CIB1: variants seen among roughly 807,000 people sequenced by gnomAD.
The protein encoded by CIB1 is calcium and integrin-binding protein 1.
In CIB1, 19 loss-of-function variants were observed where a neutral mutation model predicts 25.0. The ratio of observed to expected loss-of-function variants is 0.76; its 90% confidence interval spans 0.53 to 1.12. The LOEUF is 1.12. Among genes scored for constraint, CIB1 ranks in the 50% most tolerant of loss-of-function variants. The probability of loss-of-function intolerance (pLI) is 0.00; values close to 1 mark genes in which losing one functional copy is unlikely to be tolerated. For synonymous variants in CIB1, 104 were observed against 98.5 expected (o/e 1.06, Z -0.33); for missense variants, 236 against 242.6 (o/e 0.97, Z 0.18).
the CIB1 span, among the ~76,000 whole-genome samples, chr15:90,249,233 AAAAAGG>A: frequency 6.6e-6 from 1 of 151,248 alleles, no homozygotes; most frequent in Admixed American, 6.6e-5. Flanking sequence ...AAAAAAAAAA[AAAAAGG>A]GAGAATTGAG....
At chr15:90,235,380 A>G (rs902323799), upstream of CIB1, among the ~76,000 whole-genome samples, 3 of 152,210 alleles carry the variant, frequency 2.0e-5, no homozygotes, top group African/African-American at 7.2e-5. Context: ...AGCATGGCCA[A>G]CATGGCAAAA....
chr15:90,253,428 C>T, the CIB1 span: 1 of 1,311,286 alleles, frequency 7.6e-7, no homozygotes, highest in Non-Finnish European at 1.1e-6. Flanking sequence ...CTATTCCCAC[C>T]TCCTTGCCCA....
chr15:90,264,816 C>T, the CIB1 span: 4 of 1,536,088 alleles, frequency 2.6e-6, no homozygotes, highest in Non-Finnish European at 3.5e-6. Context: ...TTTCTGCAAC[C>T]GGAAAGAGTG....
At chr15:90,253,720 C>T in the CIB1 span, among the ~76,000 whole-genome samples, 3 of 152,180 alleles carry the variant, frequency 2.0e-5, no homozygotes, top group African/African-American at 7.2e-5. Context: ...ATGATCCAGC[C>T]TTCTAAGCAA....
the CIB1 span, chr15:90,265,523 C>G: frequency 7.2e-7 from 1 of 1,392,892 alleles, no homozygotes; most frequent in Non-Finnish European, 9.4e-7. Context: ...TTCAGGGAAG[C>G]CCTCTCCACA....
upstream of CIB1, among the ~76,000 whole-genome samples, chr15:90,235,541 AGG>A (rs756270587): frequency 1.3e-5 from 2 of 151,972 alleles, no homozygotes; most frequent in African/African-American, 4.8e-5. Context: ...AAAAATAACT[AGG>A]GTATAGGCCC....
chr15:90,261,388 T>C, the CIB1 span, among the ~76,000 whole-genome samples: 1 of 151,908 alleles, frequency 6.6e-6, no homozygotes, highest in African/African-American at 2.4e-5. Context: ...CACTTTTTTT[T>C]TTTTTTTCAA....
chr15:90,239,760 CTGCAATG>C, the CIB1 span, among the ~76,000 whole-genome samples: 1 of 152,204 alleles, frequency 6.6e-6, no homozygotes, highest in African/African-American at 2.4e-5. Flanking sequence ...CCAGGCTGGA[CTGCAATG>C]GTGCGATCTC....
chr15:90,233,782 C>T, intron 1 of CIB1, 53 bp downstream of exon 1: 1 of 1,551,406 alleles, frequency 6.4e-7, no homozygotes, highest in South Asian at 1.2e-5. Context: ...CCGGACCCTG[C>T]TCCCGAGAAG....
the CIB1 span, chr15:90,264,984 C>G: frequency 1.3e-6 from 2 of 1,527,974 alleles, no homozygotes; most frequent in Non-Finnish European, 1.8e-6. Flanking sequence ...GAGGGAAGCA[C>G]TCTACCTCTC....
At chr15:90,243,393 C>G in the CIB1 span, 2 of 151,978 alleles carry the variant, frequency 1.3e-5, no homozygotes, top group Non-Finnish European at 1.5e-5. Context: ...TTTTGTAAGG[C>G]TGGGGTGCAG....
upstream of CIB1, among the ~76,000 whole-genome samples, chr15:90,237,018 G>A (rs1330005054): frequency 2.6e-5 from 4 of 151,918 alleles, no homozygotes; most frequent in East Asian, 5.8e-4. Context: ...GAGTGCAGTG[G>A]TGCGATCTTA....
At chr15:90,241,145 T>C in the CIB1 span, 3 of 1,614,124 alleles carry the variant, frequency 1.9e-6, no homozygotes, top group South Asian at 2.2e-5. Context: ...TTCGCTACCG[T>C]CTACGGGAGC....
the CIB1 span, chr15:90,256,083 G>A: frequency 1.5e-5 from 24 of 1,593,304 alleles, no homozygotes; most frequent in African/African-American, 1.8e-4. Context: ...AGCTCCATGC[G>A]GCCCCGGGAA....
At chr15:90,255,814 C>T in the CIB1 span, 1 of 1,614,162 alleles carries the variant, frequency 6.2e-7, no homozygotes, top group Non-Finnish European at 8.5e-7. Context: ...TGGCTCGGAA[C>T]CTCAACCGCA....
chr15:90,234,225 T>C (rs1596173880), upstream of CIB1: 2 of 257,962 alleles, frequency 7.8e-6, no homozygotes, highest in Non-Finnish European at 1.5e-5. Flanking sequence ...GTCACGGGCG[T>C]CATGACCTCG....
the CIB1 span, chr15:90,241,399 G>A: frequency 6.2e-7 from 1 of 1,613,838 alleles, no homozygotes; most frequent in Non-Finnish European, 8.5e-7. Context: ...CCCCTGGAGT[G>A]GGGCCACGTG....
the CIB1 span, among the ~76,000 whole-genome samples, chr15:90,252,755 C>T: frequency 6.6e-6 from 1 of 152,120 alleles, no homozygotes; most frequent in African/African-American, 2.4e-5. Flanking sequence ...GTAATCCCAA[C>T]ACTTTGGGAG....
At chr15:90,262,724 T>A in the CIB1 span, 3 of 1,410,496 alleles carry the variant, frequency 2.1e-6, no homozygotes, top group Non-Finnish European at 2.8e-6. Flanking sequence ...TTGGGACAAC[T>A]AGATAGGGGA....
Sources: gnomAD v4.1 joint callset for allele counts (sites outside exome capture counted in the v4.1 genomes callset) on GRCh38, gnomAD v4.1.1 for gene constraint, MANE v1.5 for transcripts, NCBI Gene and HGNC (gene_info 2026-07-23, HGNC 2026-07-21) for gene names.